The following OSBPL8 variants were observed in gnomAD, a reference collection of about 807,000 sequenced individuals.
The protein encoded by OSBPL8 is oxysterol-binding protein-related protein 8.
Under a neutral mutation model 125.5 loss-of-function variants are expected in OSBPL8, and 59 were observed. The observed-to-expected ratio is 0.47, with a 90% CI of 0.38 to 0.58. The LOEUF (loss-of-function observed/expected upper bound fraction) is 0.58, where lower values mean the gene tolerates loss of function less well. Ranked by LOEUF, OSBPL8 falls within the 20% of genes least tolerant of loss-of-function variation. The probability of loss-of-function intolerance (pLI) is 0.00; values close to 1 mark genes in which losing one functional copy is unlikely to be tolerated. For synonymous variants in OSBPL8, 330 were observed against 338.9 expected, an observed-to-expected ratio of 0.97 and a Z score of 0.29; for missense variants, 758 against 1,047.8, an observed-to-expected ratio of 0.72 and a Z score of 3.82.
intron 19 of OSBPL8, 43 bp from the exon 20 acceptor site, chr12:76,369,865 A>G (rs1952555811): frequency 1.3e-6 from 2 of 1,533,300 alleles, no homozygotes; most frequent in African/African-American, 1.4e-5. Flanking sequence ...AAAATGTAAC[A>G]GAAAATAAAA....
At chr12:76,489,009 C>G (rs1190315696) in intron 1 of OSBPL8, among the ~76,000 whole-genome samples, 1 of 152,102 alleles carries the variant, frequency 6.6e-6, no homozygotes, top group African/African-American at 2.4e-5. Flanking sequence ...AGCAAAACAG[C>G]CTTATTGCTG....
chr12:76,435,250 A>T (rs1030106088), intron 4 of OSBPL8, among the ~76,000 whole-genome samples: 3 of 152,058 alleles, frequency 2.0e-5, no homozygotes, highest in African/African-American at 7.2e-5. Flanking sequence ...CATTTGTGAC[A>T]ACACAGACAA....
chr12:76,427,726 G>A (rs747044747), intron 4 of OSBPL8, among the ~76,000 whole-genome samples: 6 of 151,952 alleles, frequency 3.9e-5, no homozygotes, highest in Non-Finnish European at 8.8e-5. Context: ...GGACAAAAGA[G>A]CATCAACATT....
chr12:76,526,880 A>C (rs952226841), intron 1 of OSBPL8, among the ~76,000 whole-genome samples: 1 of 151,554 alleles, frequency 6.6e-6, no homozygotes, highest in Non-Finnish European at 1.5e-5. Flanking sequence ...CGAACTCCTG[A>C]CCTCAGGTGA....
At chr12:76,526,635 C>T (rs939072470) in intron 1 of OSBPL8, among the ~76,000 whole-genome samples, 26 of 64,262 alleles carry the variant, frequency 4.0e-4, no homozygotes, top group South Asian at 1.6e-3. Flanking sequence ...CAGTAAATCT[C>T]TTTTTTTTTT....
intron 1 of OSBPL8, among the ~76,000 whole-genome samples, chr12:76,518,022 A>G (rs1881719274): frequency 6.6e-6 from 1 of 152,138 alleles, no homozygotes; most frequent in Non-Finnish European, 1.5e-5. Flanking sequence ...CTCATGTTCT[A>G]CTCACACTGC....
chr12:76,454,220 A>T (rs959576053), intron 3 of OSBPL8, among the ~76,000 whole-genome samples: 3 of 152,222 alleles, frequency 2.0e-5, no homozygotes, highest in Non-Finnish European at 4.4e-5. Context: ...AAGAGACAAG[A>T]ATAAGAATGT....
At chr12:76,545,008 G>C (rs1201767880) in intron 1 of OSBPL8, among the ~76,000 whole-genome samples, 1 of 152,126 alleles carries the variant, frequency 6.6e-6, no homozygotes, top group Non-Finnish European at 1.5e-5. Context: ...CTAGGACCCA[G>C]AGAGAGTAAG....
chr12:76,517,021 C>T (rs528131666), intron 1 of OSBPL8, among the ~76,000 whole-genome samples: 1 of 152,148 alleles, frequency 6.6e-6, no homozygotes, highest in Admixed American at 6.5e-5. Context: ...ACCATGTTAG[C>T]CAGCCTGGTC....
intron 1 of OSBPL8, among the ~76,000 whole-genome samples, chr12:76,521,946 G>T (rs772997657): frequency 2.6e-5 from 4 of 152,124 alleles, no homozygotes; most frequent in Admixed American, 6.5e-5. Context: ...GATGATTTAA[G>T]ATGATTTATT....
intron 1 of OSBPL8, among the ~76,000 whole-genome samples, chr12:76,552,586 C>A (rs1477821067): frequency 6.6e-6 from 1 of 152,084 alleles, no homozygotes; most frequent in Non-Finnish European, 1.5e-5. Flanking sequence ...GGCTCTCACT[C>A]TACTAACTTC....
intron 3 of OSBPL8, among the ~76,000 whole-genome samples, chr12:76,452,719 T>C (rs549154523): frequency 7.1e-4 from 108 of 152,344 alleles, no homozygotes; most frequent in African/African-American, 2.5e-3. Flanking sequence ...CAGTCTGGCC[T>C]GCTACTTGTT....
At chr12:76,520,307 T>G (rs1211030890) in intron 1 of OSBPL8, among the ~76,000 whole-genome samples, 3 of 152,208 alleles carry the variant, frequency 2.0e-5, no homozygotes, top group African/African-American at 4.8e-5. Context: ...TTCCTTGGCA[T>G]GCAAAGTACT....
At chr12:76,380,005 A>G (rs572847674) in intron 15 of OSBPL8, among the ~76,000 whole-genome samples, 1 of 152,308 alleles carries the variant, frequency 6.6e-6, no homozygotes, top group African/African-American at 2.4e-5. Context: ...TAATTTATAC[A>G]TCTACCATTA....
chr12:76,428,407 T>C (rs184990688), intron 4 of OSBPL8, among the ~76,000 whole-genome samples: 142 of 151,642 alleles, frequency 9.4e-4, no homozygotes, highest in Middle Eastern at 6.8e-3. Context: ...AAAAAAAAAA[T>C]GAATGGCAAA....
chr12:76,379,309 C>T (rs971469082), intron 15 of OSBPL8, among the ~76,000 whole-genome samples: 1 of 152,068 alleles, frequency 6.6e-6, no homozygotes, highest in Non-Finnish European at 1.5e-5. Context: ...ATGCAGTCAA[C>T]GATAAAATAC....
intron 4 of OSBPL8, among the ~76,000 whole-genome samples, chr12:76,443,657 C>A (rs1222474252): frequency 6.6e-6 from 1 of 152,076 alleles, no homozygotes; most frequent in Non-Finnish European, 1.5e-5. Flanking sequence ...TATGGGCATG[C>A]ACCATCATGC....
At chr12:76,384,997 T>G (rs1953246274) in intron 14 of OSBPL8, among the ~76,000 whole-genome samples, 1 of 152,196 alleles carries the variant, frequency 6.6e-6, no homozygotes, top group Non-Finnish European at 1.5e-5. Context: ...CAGTGATTAG[T>G]CTTCATATGG....
At chr12:76,389,960 A>T in intron 11 of OSBPL8, 131 bp from the exon 12 acceptor site, 1 of 638,042 alleles carries the variant, frequency 1.6e-6, no homozygotes, top group Non-Finnish European at 2.3e-6. Context: ...TGGAAACAAA[A>T]AATAATAATA....
Sources: gnomAD v4.1 joint callset for allele counts (sites outside exome capture counted in the v4.1 genomes callset) on GRCh38, gnomAD v4.1.1 for gene constraint, MANE v1.5 for transcripts, NCBI Gene and HGNC (gene_info 2026-07-23, HGNC 2026-07-21) for gene names.